The following GRIK1 variants were observed in gnomAD, a reference collection of about 807,000 sequenced individuals.
GRIK1 encodes the protein glutamate receptor ionotropic, kainate 1.
Under a neutral mutation model 105.7 loss-of-function variants are expected in GRIK1, and 69 were observed. That is an observed-to-expected ratio of 0.65 (90% CI 0.54 to 0.80). GRIK1 has a LOEUF of 0.80. Among genes scored for constraint, GRIK1 ranks in the 30% least tolerant of loss-of-function variants. GRIK1 has a pLI of 0.00. For synonymous variants in GRIK1, 438 were observed against 431.3 expected (o/e 1.02, Z -0.19); for missense variants, 1,109 against 1,167.3 (o/e 0.95, Z 0.73).
At chr21:29,640,652 C>T (rs920174180) in intron 7 of GRIK1, among the ~76,000 whole-genome samples, 16 of 152,096 alleles carry the variant, frequency 1.1e-4, no homozygotes, top group African/African-American at 3.4e-4. Context: ...CCTTCTTATG[C>T]GACTTAAGTA....
At chr21:29,571,319 T>C (rs1281132752) in intron 14 of GRIK1, among the ~76,000 whole-genome samples, 1 of 151,602 alleles carries the variant, frequency 6.6e-6, no homozygotes, top group African/African-American at 2.4e-5. Flanking sequence ...ATCACGCCAT[T>C]GTACTACAGC....
chr21:29,930,611 A>T (rs1290061454), intron 1 of GRIK1, among the ~76,000 whole-genome samples: 1 of 152,208 alleles, frequency 6.6e-6, no homozygotes, highest in Non-Finnish European at 1.5e-5. Flanking sequence ...ATCTGACAGA[A>T]TGTTACAATG....
chr21:29,620,536 C>G (rs16984530), intron 7 of GRIK1, among the ~76,000 whole-genome samples: 8,723 of 151,982 alleles, frequency 0.057, 466 homozygotes, highest in East Asian at 0.16. Context: ...GTTAGACTTG[C>G]TTCCAGAGAG....
intron 17 of GRIK1, 85 bp downstream of exon 17, chr21:29,537,713 A>G (rs1474073175): frequency 7.4e-6 from 6 of 806,036 alleles, no homozygotes; most frequent in African/African-American, 1.7e-5. Flanking sequence ...AAATTAAGTC[A>G]TTTCCCCCAC....
intron 1 of GRIK1, among the ~76,000 whole-genome samples, chr21:29,897,885 T>C (rs1352821866): frequency 6.6e-6 from 1 of 152,226 alleles, no homozygotes; most frequent in Non-Finnish European, 1.5e-5. Flanking sequence ...TTTTGACATA[T>C]ATTTGAATAA....
intron 1 of GRIK1, among the ~76,000 whole-genome samples, chr21:29,701,187 AC>A (rs1245304507): frequency 6.6e-6 from 1 of 152,202 alleles, no homozygotes; most frequent in Non-Finnish European, 1.5e-5. Flanking sequence ...TGTGTGAGGC[AC>A]TGGGATGTGC....
chr21:29,845,392 G>A (rs1405734401), intron 1 of GRIK1, among the ~76,000 whole-genome samples: 1 of 151,768 alleles, frequency 6.6e-6, no homozygotes, highest in Non-Finnish European at 1.5e-5. Flanking sequence ...TTTCTATTTT[G>A]TTTTGTGAGA....
At chr21:29,766,106 C>T (rs1341535566) in intron 1 of GRIK1, among the ~76,000 whole-genome samples, 2 of 152,054 alleles carry the variant, frequency 1.3e-5, no homozygotes, top group African/African-American at 4.8e-5. Context: ...GCCTTGGCCT[C>T]CAAAAGTGCT....
At chr21:29,587,131 G>C (rs1381685539) in intron 12 of GRIK1, among the ~76,000 whole-genome samples, 1 of 151,998 alleles carries the variant, frequency 6.6e-6, no homozygotes, top group Non-Finnish European at 1.5e-5. Flanking sequence ...CTTGAAATAG[G>C]GATAAAGTTA....
chr21:29,713,944 G>T (rs868670739), intron 1 of GRIK1, among the ~76,000 whole-genome samples: 1 of 152,000 alleles, frequency 6.6e-6, no homozygotes, highest in South Asian at 2.1e-4. Flanking sequence ...GAACTGTCTT[G>T]TCTTTATAGT....
chr21:29,911,157 T>C (rs2070801157), intron 1 of GRIK1, among the ~76,000 whole-genome samples: 3 of 152,062 alleles, frequency 2.0e-5, no homozygotes, highest in Admixed American at 1.3e-4. Context: ...TGCTACCTTA[T>C]GTGTTAGAAA....
rs940646686 is a variant in GRIK1, at chr21:29,939,733, C to A, written c.-233G>T. ...CTGTCGCTAGCCCATCACGGCTCCT[C>A]CTCCTCCTCTTCCATGGGCCGCAGA... On this transcript the variant is annotated 5_prime_UTR_variant, in exon 1 of 18. The change creates a premature stop within an existing upstream ORF in the 5' untranslated region. Transcript: ENST00000327783. 25 of 400,610 alleles carry A rather than the reference C, an allele frequency of 6.2e-5. No homozygotes were observed. Among genetic ancestry groups the A allele is most frequent in the Non-Finnish European group, 1.1e-4 (24 of 226,526 alleles). The allele number at this position is 400,610 out of a possible 1,614,324, so 24.8% of individuals were successfully genotyped here. A position where few individuals can be genotyped will look rare whatever the true frequency, so the allele number is the denominator to read the frequency against.
In GRIK1 at chr21:29,707,153, C is replaced by T. The variant is rs371632271; in HGVS notation, c.119-13090G>A. Among the ~76,000 whole-genome samples, 7 of 152,290 alleles carry T rather than the reference C, an allele frequency of 4.6e-5. No homozygotes were observed. The East Asian group carries it at 5.8e-4, about 13-fold the overall frequency. On this transcript the variant is annotated intron_variant, in intron 1 of 17. Transcript: ENST00000327783. ...TGCTGGGATTACAGGCGTGAGCCAC[C>T]GCGCCCGGGCTATTCCAGGCATTTT...
At chr21:29,670,075 A>G (rs1374715807) in intron 4 of GRIK1, among the ~76,000 whole-genome samples, 1 of 152,184 alleles carries the variant, frequency 6.6e-6, no homozygotes, top group African/African-American at 2.4e-5. Context: ...AGTTATTCCA[A>G]AAAGCGCAAT....
At chr21:29,628,817 T>C (rs1385818413) in intron 7 of GRIK1, among the ~76,000 whole-genome samples, 1 of 152,248 alleles carries the variant, frequency 6.6e-6, no homozygotes, top group Non-Finnish European at 1.5e-5. Flanking sequence ...ATATTAATCA[T>C]ATAATTGTCT....
intron 3 of GRIK1, among the ~76,000 whole-genome samples, chr21:29,686,830 C>G (rs1042938981): frequency 2.6e-5 from 4 of 152,204 alleles, no homozygotes; most frequent in African/African-American, 9.6e-5. Flanking sequence ...ATGCCACACA[C>G]TGCAGTTGAG....
chr21:29,923,994 A>T (rs970593453), intron 1 of GRIK1, among the ~76,000 whole-genome samples: 1 of 152,172 alleles, frequency 6.6e-6, no homozygotes, highest in African/African-American at 2.4e-5. Context: ...ACAAGAGTAC[A>T]AAAAATTGGA....
At chr21:29,753,213 T>C (rs2065249286) in intron 1 of GRIK1, among the ~76,000 whole-genome samples, 2 of 152,218 alleles carry the variant, frequency 1.3e-5, no homozygotes. Context: ...TAAAATAAAT[T>C]ATCTAGTGCG....
chr21:29,744,138 C>T (rs540856591), intron 1 of GRIK1, among the ~76,000 whole-genome samples: 1 of 152,212 alleles, frequency 6.6e-6, no homozygotes, highest in African/African-American at 2.4e-5. Flanking sequence ...AAATAAAATT[C>T]TTGAGGATGG....
Sources: allele counts gnomAD v4.1 joint callset (sites outside exome capture counted in the v4.1 genomes callset), GRCh38; gene constraint gnomAD v4.1.1; transcripts MANE v1.5; gene names NCBI Gene and HGNC (gene_info 2026-07-23, HGNC 2026-07-21).